NECTIN3: variants seen among roughly 807,000 people sequenced by gnomAD.
The protein encoded by NECTIN3 is nectin-3.
NECTIN3 carries 8 observed loss-of-function variants against 49.4 expected under a neutral mutation model. The observed-to-expected ratio is 0.16, with a 90% CI of 0.10 to 0.29. The LOEUF (loss-of-function observed/expected upper bound fraction) is 0.29. Ranked by LOEUF, NECTIN3 falls within the 10% of genes least tolerant of loss-of-function variation. The pLI is 1.00. For missense variants in NECTIN3, 581 were observed against 654.6 expected, an observed-to-expected ratio of 0.89 and a Z score of 1.23; for synonymous variants, 277 against 241.1, an observed-to-expected ratio of 1.15 and a Z score of -1.38.
Position 111,136,007 on chromosome 3 carries a change from A to G in NECTIN3, c.*1792A>G. 1 of 966,746 alleles carries G rather than the reference A, an allele frequency of 1.0e-6. No individual in the cohort carries two copies. Among genetic ancestry groups the G allele is most frequent in the Non-Finnish European group, 1.2e-6 (1 of 813,158 alleles). The allele number at this position is 966,746 out of a possible 1,614,324, so 59.9% of individuals were successfully genotyped here. ...TTATATACAAATATTACAACTTTTT[A>G]GTGCAAGTTTTTGGAAGAAAACTTT... On this transcript the variant is annotated 3_prime_UTR_variant, in exon 6 of 6. Coordinates refer to ENST00000485303, the MANE Select transcript of NECTIN3 (RefSeq NM_015480.3).
intron 1 of NECTIN3, among the ~76,000 whole-genome samples, chr3:111,091,313 T>G (rs899977757): frequency 1.3e-5 from 2 of 152,194 alleles, no homozygotes; most frequent in African/African-American, 4.8e-5. Flanking sequence ...TGGAGTGCAG[T>G]GGTGCGATCT....
intron 7 of NECTIN3, among the ~76,000 whole-genome samples, chr3:111,154,269 C>T (rs184304422): frequency 1.3e-5 from 2 of 152,214 alleles, no homozygotes; most frequent in African/African-American, 4.8e-5. Context: ...AAATTTTATA[C>T]AATATGTTCT....
chr3:111,116,725 A>G (rs1315179385), intron 2 of NECTIN3, among the ~76,000 whole-genome samples: 3 of 152,150 alleles, frequency 2.0e-5, no homozygotes, highest in Non-Finnish European at 4.4e-5. Context: ...GTTCCAAATG[A>G]TTCATAAACA....
At chr3:111,120,320 T>G (rs2033889704) in intron 3 of NECTIN3, among the ~76,000 whole-genome samples, 1 of 152,186 alleles carries the variant, frequency 6.6e-6, no homozygotes, top group Non-Finnish European at 1.5e-5. Context: ...TATTGATTTG[T>G]TGGCTTACTC....
chr3:111,076,113 A>C (rs1339086302), intron 1 of NECTIN3, among the ~76,000 whole-genome samples: 1 of 152,088 alleles, frequency 6.6e-6, no homozygotes, highest in African/African-American at 2.4e-5. Flanking sequence ...ATATATATTT[A>C]CCTTGTTTAT....
At chr3:111,091,180 T>TC (rs991784342) in intron 1 of NECTIN3, among the ~76,000 whole-genome samples, 8 of 152,184 alleles carry the variant, frequency 5.3e-5, no homozygotes, top group Non-Finnish European at 1.2e-4. Context: ...TACTTCTTTG[T>TC]CTTTAAACAT....
chr3:111,140,648 T>A (rs2034719452), downstream of NECTIN3, among the ~76,000 whole-genome samples: 1 of 151,900 alleles, frequency 6.6e-6, no homozygotes, highest in Non-Finnish European at 1.5e-5. Flanking sequence ...CAATTCTTCC[T>A]TTACATTTTT....
chr3:111,192,642 G>C (rs2035833004), intron 1 of NECTIN3, among the ~76,000 whole-genome samples: 1 of 152,086 alleles, frequency 6.6e-6, no homozygotes, highest in Non-Finnish European at 1.5e-5. Flanking sequence ...CATCATGGGG[G>C]GTTCATTTTA....
At chr3:111,180,055 A>G (rs2035599876) in intron 7 of NECTIN3, among the ~76,000 whole-genome samples, 1 of 152,226 alleles carries the variant, frequency 6.6e-6, no homozygotes, top group Non-Finnish European at 1.5e-5. Context: ...TTGATTAATA[A>G]TACAGCAACC....
At chr3:111,113,139 A>G (rs1170672644) in intron 2 of NECTIN3, among the ~76,000 whole-genome samples, 5 of 152,140 alleles carry the variant, frequency 3.3e-5, no homozygotes, top group South Asian at 2.1e-4. Flanking sequence ...TTTCAGGGCT[A>G]TTCTTTTTGT....
chr3:111,144,264 A>G (rs1013053070), intron 5 of NECTIN3, among the ~76,000 whole-genome samples: 1 of 152,066 alleles, frequency 6.6e-6, no homozygotes, highest in African/African-American at 2.4e-5. Flanking sequence ...GTCTATGGCC[A>G]GGAGATAGGA....
upstream of NECTIN3, among the ~76,000 whole-genome samples, chr3:111,189,970 G>A (rs551033468): frequency 2.0e-5 from 3 of 152,316 alleles, no homozygotes; most frequent in African/African-American, 7.2e-5. Context: ...AGGACCTGGG[G>A]CAGCAAGATG....
upstream of NECTIN3, among the ~76,000 whole-genome samples, chr3:111,188,023 G>T (rs2035752552): frequency 6.6e-6 from 1 of 152,224 alleles, no homozygotes; most frequent in South Asian, 2.1e-4. Flanking sequence ...GGAGGTTGTG[G>T]CATGGGGGCA....
At chr3:111,090,404 T>C (rs2032192998) in intron 1 of NECTIN3, among the ~76,000 whole-genome samples, 1 of 152,108 alleles carries the variant, frequency 6.6e-6, no homozygotes, top group African/African-American at 2.4e-5. Flanking sequence ...CTTCATGAAC[T>C]ACCCTACTGT....
chr3:111,101,851 C>T (rs1408496658), intron 1 of NECTIN3, among the ~76,000 whole-genome samples: 2 of 152,122 alleles, frequency 1.3e-5, no homozygotes, highest in African/African-American at 4.8e-5. Context: ...GATTACTGTC[C>T]TTTCCCATTT....
intron 5 of NECTIN3, among the ~76,000 whole-genome samples, chr3:111,127,687 T>C (rs1202638042): frequency 6.6e-6 from 1 of 152,006 alleles, no homozygotes; most frequent in Non-Finnish European, 1.5e-5. Context: ...CACCTCAGCC[T>C]TCAGTAGCTG....
intron 1 of NECTIN3, among the ~76,000 whole-genome samples, chr3:111,111,188 T>A (rs1226787356): frequency 6.6e-6 from 1 of 152,162 alleles, no homozygotes; most frequent in Non-Finnish European, 1.5e-5. Flanking sequence ...AGCAGCATCG[T>A]GCTTGACTAT....
intron 1 of NECTIN3, chr3:111,074,892 C>T (rs1480992719): frequency 6.6e-6 from 1 of 151,102 alleles, no homozygotes; most frequent in African/African-American, 2.4e-5. Flanking sequence ...TTTCAGGGGA[C>T]ATAGAGAATA....
At chr3:111,091,329 C>T (rs893449877) in intron 1 of NECTIN3, among the ~76,000 whole-genome samples, 1 of 152,090 alleles carries the variant, frequency 6.6e-6, no homozygotes. Flanking sequence ...GATCTCAGCT[C>T]ACTGCAAGCT....
Sources: gnomAD v4.1 joint callset for allele counts (sites outside exome capture counted in the v4.1 genomes callset) on GRCh38, gnomAD v4.1.1 for gene constraint, MANE v1.5 for transcripts, NCBI Gene and HGNC (gene_info 2026-07-23, HGNC 2026-07-21) for gene names.